The following DPP10 variants were observed in gnomAD, a reference collection of about 807,000 sequenced individuals.
The protein encoded by DPP10 is inactive dipeptidyl peptidase 10.
A neutral mutation model predicts 120.9 loss-of-function variants in DPP10; 33 were observed. The observed-to-expected ratio is 0.27, with a 90% CI of 0.21 to 0.37. The LOEUF (loss-of-function observed/expected upper bound fraction) is 0.37. Ranked by LOEUF, DPP10 falls within the 10% of genes least tolerant of loss-of-function variation. DPP10 has a pLI of 1.00. For missense variants in DPP10, 816 were observed against 942.8 expected (o/e 0.87, Z 1.76); for synonymous variants, 337 against 326.1 (o/e 1.03, Z -0.36).
At chr2:114,889,088 A>T (rs1692326012) in intron 1 of DPP10, among the ~76,000 whole-genome samples, 1 of 152,170 alleles carries the variant, frequency 6.6e-6, no homozygotes, top group Non-Finnish European at 1.5e-5. Context: ...TGAAAACACT[A>T]GAGAAGGATG....
At chr2:115,782,223 G>A (rs1263293838) in intron 16 of DPP10, 129 bp from the exon 17 acceptor site, 1 of 676,424 alleles carries the variant, frequency 1.5e-6, no homozygotes. Context: ...TAGTTATCTG[G>A]TTTCTGTTTT....
At chr2:114,843,257 A>C (rs960982030) in intron 1 of DPP10, among the ~76,000 whole-genome samples, 4 of 152,124 alleles carry the variant, frequency 2.6e-5, no homozygotes, top group African/African-American at 7.2e-5. Flanking sequence ...TCCCTGGAGG[A>C]ACAAAGTTCA....
chr2:115,758,254 A>AT (rs1389953287), intron 11 of DPP10, among the ~76,000 whole-genome samples: 8 of 152,294 alleles, frequency 5.3e-5, no homozygotes, highest in Non-Finnish European at 1.2e-4. Context: ...ACTTTTGTCT[A>AT]TAAGTTTGTA....
intron 5 of DPP10, among the ~76,000 whole-genome samples, chr2:115,672,621 C>CTTCTTTCTTTCT (rs10648127): frequency 0.016 from 2,382 of 145,644 alleles, 39 homozygotes; most frequent in Non-Finnish European, 0.021. Context: ...CATGGCGCCC[C>CTTCTTTCTTTCT]TTCTTTCTTT....
intron 1 of DPP10, chr2:114,828,995 G>A (rs1686816683): frequency 6.6e-6 from 1 of 152,244 alleles, no homozygotes; most frequent in South Asian, 2.1e-4. Context: ...TATAAAAATA[G>A]TCTAGTTACT....
At chr2:115,808,965 A>C (rs1686329353) in intron 19 of DPP10, among the ~76,000 whole-genome samples, 1 of 152,252 alleles carries the variant, frequency 6.6e-6, no homozygotes, top group Non-Finnish European at 1.5e-5. Flanking sequence ...GTTATGACTT[A>C]TAAAAAAAGG....
chr2:115,686,161 T>C (rs970343722), intron 5 of DPP10, among the ~76,000 whole-genome samples: 1 of 152,026 alleles, frequency 6.6e-6, no homozygotes, highest in African/African-American at 2.4e-5. Context: ...TTTTTGTGCT[T>C]TCTGTTGGTC....
chr2:115,220,625 T>C (rs1277926807), intron 1 of DPP10, among the ~76,000 whole-genome samples: 1 of 152,200 alleles, frequency 6.6e-6, no homozygotes. Context: ...CAGACAATTA[T>C]GTATTGTGTA....
At chr2:115,350,753 A>G (rs1183191185) in intron 3 of DPP10, among the ~76,000 whole-genome samples, 5 of 152,118 alleles carry the variant, frequency 3.3e-5, no homozygotes, top group Non-Finnish European at 5.9e-5. Context: ...TATTTCCTGT[A>G]GTTTATTATG....
chr2:115,079,290 G>A (rs942993740), intron 1 of DPP10, among the ~76,000 whole-genome samples: 4 of 152,040 alleles, frequency 2.6e-5, no homozygotes, highest in Admixed American at 2.6e-4. Context: ...TGAGGCAGGA[G>A]GATGGCGTGA....
At chr2:115,596,425 A>G (rs2082991836) in intron 5 of DPP10, among the ~76,000 whole-genome samples, 2 of 152,084 alleles carry the variant, frequency 1.3e-5, no homozygotes, top group Non-Finnish European at 1.5e-5. Context: ...AAGTAATTAG[A>G]GCTCTTTTAC....
chr2:115,568,350 G>A (rs1413330828), intron 5 of DPP10, among the ~76,000 whole-genome samples: 1 of 151,894 alleles, frequency 6.6e-6, no homozygotes, highest in Non-Finnish European at 1.5e-5. Context: ...AGGGGTTTTG[G>A]TGTGCACCTG....
At chr2:114,577,760 G>A (rs1001928356) in intron 1 of DPP10, among the ~76,000 whole-genome samples, 2 of 152,120 alleles carry the variant, frequency 1.3e-5, no homozygotes, top group Non-Finnish European at 2.9e-5. Context: ...GTGAGAAGGA[G>A]CCTGTTCCAT....
intron 5 of DPP10, among the ~76,000 whole-genome samples, chr2:115,595,253 T>A (rs1454672865): frequency 6.6e-6 from 1 of 152,130 alleles, no homozygotes; most frequent in Non-Finnish European, 1.5e-5. Context: ...CTTCCCTTTT[T>A]TTGCAGTTTA....
intron 1 of DPP10, among the ~76,000 whole-genome samples, chr2:115,037,089 T>C (rs1377501434): frequency 6.6e-6 from 1 of 152,140 alleles, no homozygotes; most frequent in Non-Finnish European, 1.5e-5. Context: ...ATTAGTTAAA[T>C]ACAGATCATG....
intron 1 of DPP10, among the ~76,000 whole-genome samples, chr2:114,795,386 G>C (rs1181158761): frequency 6.6e-6 from 1 of 152,114 alleles, no homozygotes; most frequent in Non-Finnish European, 1.5e-5. Context: ...AGCCATTTGG[G>C]AGGCTGAGGC....
chr2:115,463,000 G>T (rs1314783147), intron 3 of DPP10, among the ~76,000 whole-genome samples: 1 of 152,150 alleles, frequency 6.6e-6, no homozygotes, highest in African/African-American at 2.4e-5. Flanking sequence ...AAAGTGCTGG[G>T]ATTAAAGGTG....
At chr2:115,639,019 G>A (rs2086572792) in intron 5 of DPP10, among the ~76,000 whole-genome samples, 1 of 152,144 alleles carries the variant, frequency 6.6e-6, no homozygotes, top group African/African-American at 2.4e-5. Flanking sequence ...GTAGGAAGAT[G>A]TTGTCTTTGG....
intron 21 of DPP10, among the ~76,000 whole-genome samples, chr2:115,823,459 G>A (rs1186215939): frequency 6.6e-6 from 1 of 152,042 alleles, no homozygotes. Flanking sequence ...TTTATTTAGG[G>A]TCTCCTTTAG....
Sources: gnomAD v4.1 joint callset for allele counts (sites outside exome capture counted in the v4.1 genomes callset) on GRCh38, gnomAD v4.1.1 for gene constraint, MANE v1.5 for transcripts, NCBI Gene and HGNC (gene_info 2026-07-23, HGNC 2026-07-21) for gene names.